The following USP34 variants were observed in gnomAD, a reference collection of about 807,000 sequenced individuals.
USP34 encodes ubiquitin specific peptidase 34.
Under a neutral mutation model 460.3 loss-of-function variants are expected in USP34, and 70 were observed. The observed-to-expected ratio is 0.15, with a 90% CI of 0.13 to 0.19. The LOEUF (loss-of-function observed/expected upper bound fraction) is 0.19. Ranked by LOEUF, USP34 falls within the 10% of genes least tolerant of loss-of-function variation. The pLI is 1.00. For missense variants in USP34, 3,985 were observed against 4,236.2 expected (o/e 0.94, Z 1.65); for synonymous variants, 1,647 against 1,405.3 (o/e 1.17, Z -3.85).
chr2:61,399,442 T>A (rs1693642831), intron 3 of USP34, among the ~76,000 whole-genome samples: 1 of 152,096 alleles, frequency 6.6e-6, no homozygotes, highest in African/African-American at 2.4e-5. Context: ...TTTGCCACTC[T>A]ATTTCCAATA....
rs542635396 is a variant in USP34 at position 61,297,703 on chromosome 2, G to A, written c.4129-778C>T. The stretch of plus-strand genomic sequence containing the variant: ...TATAAAAAGAAACTTAGTTCTTTTG[G>A]TATAATGGCAGAAACATGGTGCACT... On this transcript the variant is annotated intron_variant, in intron 29 of 79. Transcript: ENST00000398571. 3.9e-4 allele frequency among the ~76,000 whole-genome samples: 59 copies of A among 152,230 alleles called. 1 individual carries two copies. Among genetic ancestry groups the A allele is most frequent in the African/African-American group, 1.4e-3 (59 of 41,540 alleles).
At chr2:61,436,375 T>C (rs1031698411) in intron 1 of USP34, among the ~76,000 whole-genome samples, 2 of 152,164 alleles carry the variant, frequency 1.3e-5, no homozygotes, top group African/African-American at 4.8e-5. Flanking sequence ...AGACATTCCA[T>C]GTAAACAGAA....
chr2:61,332,731 T>G (rs1245665077), intron 19 of USP34, among the ~76,000 whole-genome samples: 2 of 152,046 alleles, frequency 1.3e-5, no homozygotes, highest in Non-Finnish European at 2.9e-5. Context: ...TTACCCCTCC[T>G]TTTGGAAGCT....
At chr2:61,257,457 AAGTT>A (rs1688749930) in intron 44 of USP34, 107 bp from the exon 45 acceptor site, 2 of 875,408 alleles carry the variant, frequency 2.3e-6, no homozygotes, top group South Asian at 3.7e-5. Context: ...TAAATCTACT[AAGTT>A]AGTTTTAAAT....
intron 44 of USP34, among the ~76,000 whole-genome samples, chr2:61,258,275 G>T (rs992606349): frequency 6.6e-6 from 1 of 152,196 alleles, no homozygotes; most frequent in Non-Finnish European, 1.5e-5. Flanking sequence ...CATGAGACGA[G>T]ATGGTGCCAC....
chr2:61,424,653 A>T (rs1694458118), intron 1 of USP34, among the ~76,000 whole-genome samples: 1 of 152,194 alleles, frequency 6.6e-6, no homozygotes, highest in Non-Finnish European at 1.5e-5. Flanking sequence ...AGGCAAGAGG[A>T]TCACTTGAGC....
chr2:61,259,854 G>C, intron 43 of USP34, 78 bp from the exon 44 acceptor site: 1 of 1,316,436 alleles, frequency 7.6e-7, no homozygotes, highest in Admixed American at 1.8e-5. Flanking sequence ...AGAAAGTCTT[G>C]CAATGTACAC....
At chr2:61,334,898 C>T (rs1691371521) in intron 18 of USP34, among the ~76,000 whole-genome samples, 1 of 152,108 alleles carries the variant, frequency 6.6e-6, no homozygotes. Context: ...TTATACATGG[C>T]TAAAGATTTT....
At chr2:61,441,838 A>G (rs995798991) in intron 1 of USP34, among the ~76,000 whole-genome samples, 1 of 151,678 alleles carries the variant, frequency 6.6e-6, no homozygotes, top group African/African-American at 2.4e-5. Context: ...GAAAAGAAAA[A>G]AAAAAAAGGA....
At chr2:61,350,776 C>G in intron 10 of USP34, 83 bp from the exon 11 acceptor site, 1 of 1,450,482 alleles carries the variant, frequency 6.9e-7, no homozygotes, top group Non-Finnish European at 9.2e-7. Flanking sequence ...GTTTGAAAGT[C>G]AAAAAGTTGG....
chr2:61,228,954 C>G lies in USP34; in HGVS notation c.7241G>C (p.Arg2414Pro). 1 of 1,607,528 alleles carries G rather than the reference C, an allele frequency of 6.2e-7. No individual in the cohort carries two copies. The highest frequency in any genetic ancestry group is 1.1e-5 in the South Asian group (1 of 90,066). The change falls in exon 60 of 80, where the codon CGT becomes CCT. Residue 2414 changes from arginine (R) to proline (P), a missense_variant. Physicochemically the swap from Arg to Pro is moderately radical, Grantham distance 103 (BLOSUM62 -2). Coordinates refer to ENST00000398571, the MANE Select transcript of USP34 (RefSeq NM_014709.4). ...TCTCACAAAGCGAGTGACACATGAA[C>G]GACCACCAATATCTTCTACTGAGGT... The part of the protein sequence containing the change: ...MDTSVEDIGG[R>P]SCVTRFVRTL...
intron 15 of USP34, among the ~76,000 whole-genome samples, chr2:61,346,956 G>A (rs377687513): frequency 2.0e-4 from 30 of 151,546 alleles, no homozygotes; most frequent in South Asian, 6.3e-4. Context: ...TGGTCAACAC[G>A]GTGAAACCCC....
intron 1 of USP34, among the ~76,000 whole-genome samples, chr2:61,449,930 G>A (rs1293571514): frequency 6.6e-6 from 1 of 152,190 alleles, no homozygotes; most frequent in Non-Finnish European, 1.5e-5. Context: ...GCTGGGCATG[G>A]TGGCGCACGC....
In USP34 at chr2:61,314,829, C is replaced by T. The variant is rs772864302; in HGVS notation, c.3382+46G>A. 19 of 1,597,234 alleles carry T rather than the reference C, an allele frequency of 1.2e-5. No individual in the cohort carries two copies. In the African/African-American group the frequency reaches 2.3e-4, roughly 19 times the overall value. On this transcript the variant is annotated intron_variant, in intron 24 of 79. Coordinates refer to ENST00000398571, the MANE Select transcript of USP34 (RefSeq NM_014709.4). ...AGAAAAATTTTAGTTTCACAAAACA[C>T]CCTCACATAGAAATTACCTATCAGA...
chr2:61,215,793 G>C (rs535499690), intron 67 of USP34, among the ~76,000 whole-genome samples: 1 of 152,122 alleles, frequency 6.6e-6, no homozygotes, highest in African/African-American at 2.4e-5. Flanking sequence ...ACTATTTGAC[G>C]TCATAACTTT....
rs780552157 is a variant in USP34 at position 61,284,920 on chromosome 2, T to C, written c.4787A>G (p.Gln1596Arg). The C allele has an allele frequency of 1.2e-6, 2 of 1,611,362 alleles. No homozygotes were observed. The highest frequency in any genetic ancestry group is 1.1e-5 in the South Asian group (1 of 90,670). Reference protein sequence around the residue: ...LVLVQGTSLIQRLMSVAYTYD... With the variant: ...LVLVQGTSLIRRLMSVAYTYD... ...CGTATAAGCAACAGACATAAGTCGC[T>C]GAATCAAACTGGTTCCTTGGACAAG... Residue 1596 changes from glutamine (Q) to arginine (R), a missense_variant, in exon 35 of 80, where the codon CAG becomes CGG. By Grantham distance (43) the Gln-to-Arg change is conservative. Coordinates refer to ENST00000398571, the MANE Select transcript of USP34 (RefSeq NM_014709.4).
intron 3 of USP34, among the ~76,000 whole-genome samples, chr2:61,402,572 A>T (rs1301324088): frequency 6.6e-6 from 1 of 152,226 alleles, no homozygotes; most frequent in Non-Finnish European, 1.5e-5. Flanking sequence ...TGCTTCTTCT[A>T]TAAAATAAAA....
In USP34 at chr2:61,242,508, A is replaced by G. The variant is rs1192997948; in HGVS notation, c.6628-689T>C. On this transcript the variant is annotated intron_variant, in intron 51 of 79. Transcript: ENST00000398571. ...ACACACACACACACACACACGATGC[A>G]AAGGAAAGAAAAGGGACCATGAAGC... Among the ~76,000 whole-genome samples, 3 of 142,154 alleles carry G rather than the reference A, an allele frequency of 2.1e-5. No individual in the cohort carries two copies. The East Asian group carries it at 6.7e-4, about 32-fold the overall frequency. The allele number at this position is 142,154 out of a possible 152,430, so 93.3% of individuals were successfully genotyped here. A position where few individuals can be genotyped will look rare whatever the true frequency, so the allele number is the denominator to read the frequency against.
At chr2:61,259,663 G>T in intron 44 of USP34, 48 bp downstream of exon 44, 1 of 1,576,722 alleles carries the variant, frequency 6.3e-7, no homozygotes, top group Non-Finnish European at 8.7e-7. Context: ...TATAATTACA[G>T]GCATGAGCCA....
Sources: allele counts gnomAD v4.1 joint callset (sites outside exome capture counted in the v4.1 genomes callset), GRCh38; gene constraint gnomAD v4.1.1; transcripts MANE v1.5; gene names NCBI Gene and HGNC (gene_info 2026-07-23, HGNC 2026-07-21).